Variants in PKD1L1 observed in about 807,000 individuals in gnomAD.
The protein encoded by PKD1L1 is polycystin 1 like 1, transient receptor potential channel interacting.
Under a neutral mutation model 323.4 loss-of-function variants are expected in PKD1L1, and 236 were observed. That is an observed-to-expected ratio of 0.73 (90% CI 0.66 to 0.81). The LOEUF (loss-of-function observed/expected upper bound fraction) is 0.81. Among genes scored for constraint, PKD1L1 ranks in the 40% least tolerant of loss-of-function variants. PKD1L1 has a pLI of 0.00. For missense variants in PKD1L1, 3,320 were observed against 3,508.0 expected (o/e 0.95, Z 1.35); for synonymous variants, 1,344 against 1,335.0 (o/e 1.01, Z -0.15).
intron 56 of PKD1L1, among the ~76,000 whole-genome samples, chr7:47,784,524 G>C (rs990288192): frequency 1.3e-5 from 2 of 151,866 alleles, no homozygotes; most frequent in African/African-American, 2.4e-5. Flanking sequence ...CCAAGCTAGA[G>C]TGCAATGGTG....
chr7:47,779,614 G>A (rs911225732), intron 56 of PKD1L1, among the ~76,000 whole-genome samples: 6 of 152,222 alleles, frequency 3.9e-5, no homozygotes, highest in African/African-American at 9.6e-5. Context: ...TTTTTTTAGC[G>A]TCTGAGAATG....
intron 7 of PKD1L1, among the ~76,000 whole-genome samples, chr7:47,915,919 C>G (rs1180198984): frequency 6.6e-6 from 1 of 152,080 alleles, no homozygotes; most frequent in East Asian, 1.9e-4. Context: ...AAATTCTTAA[C>G]AGATGAATTT....
intron 52 of PKD1L1, among the ~76,000 whole-genome samples, chr7:47,806,127 G>C (rs1784772152): frequency 6.6e-6 from 1 of 152,188 alleles, no homozygotes; most frequent in Admixed American, 6.5e-5. Context: ...CAGAAGTCAG[G>C]AGGAGGCTAT....
At position 47,840,398 on chromosome 7, in the gene PKD1L1, A is replaced by T. The variant is rs1785542168; in HGVS notation, c.5552+63T>A. On this transcript the variant is annotated intron_variant, in intron 35 of 56. Transcript: ENST00000289672. The surrounding 1 kb of genome is among the most constrained non-coding windows in gnomAD (Gnocchi z 4.1). ...ATTCTACTGTTTTGTATTTGTGATA[A>T]GGTTACACCAATTCTGATTGGCCTC... 2.5e-6 allele frequency: 3 copies of T among 1,188,084 alleles called. No homozygotes were observed. The highest frequency in any genetic ancestry group is 1.9e-4 in the Middle Eastern group (1 of 5,186). 73.6% of individuals were successfully genotyped at this position (1,188,084 alleles called of 1,614,324 possible).
intron 13 of PKD1L1, among the ~76,000 whole-genome samples, chr7:47,899,779 A>C (rs1190752199): frequency 6.6e-6 from 1 of 152,192 alleles, no homozygotes; most frequent in South Asian, 2.1e-4. Flanking sequence ...ACACGGTGAA[A>C]CCCTGTTTTT....
intron 31 of PKD1L1, among the ~76,000 whole-genome samples, chr7:47,850,533 G>A (rs962849337): frequency 2.7e-5 from 4 of 150,812 alleles, no homozygotes; most frequent in Non-Finnish European, 4.4e-5. Context: ...CCACAAGGCT[G>A]AGGCAGGAGA....
chr7:47,880,927 T>C, intron 20 of PKD1L1, 122 bp from the exon 21 acceptor site: 1 of 613,590 alleles, frequency 1.6e-6, no homozygotes, highest in South Asian at 2.4e-5. Context: ...TAGATACTAG[T>C]GAAACATGCC....
chr7:47,866,529 T>C lies in PKD1L1; in HGVS notation c.3982A>G (p.Arg1328Gly), dbSNP rs1423948809. 1 of 1,614,084 alleles carries C rather than the reference T, an allele frequency of 6.2e-7. No homozygotes were observed. The highest frequency in any genetic ancestry group is 2.2e-5 in the East Asian group (1 of 44,878). Reference protein sequence around the residue: ...EIRNYITVITRILSRLSKEDK... With the variant: ...EIRNYITVITGILSRLSKEDK... Reference sequence around the variant, plus strand: ...TCCTTAGACAAACGACTCAGGATTCTGGTGATCACAGTGATGTAGTTCCTG... The same window carrying C: ...TCCTTAGACAAACGACTCAGGATTCCGGTGATCACAGTGATGTAGTTCCTG... The change falls in exon 25 of 57, where the codon AGA (arginine) becomes GGA (glycine). Residue 1328 changes from arginine to glycine, a missense_variant. By Grantham distance (125) the Arg-to-Gly change is moderately radical (BLOSUM62 -2). Coordinates refer to ENST00000289672, the MANE Select transcript of PKD1L1 (RefSeq NM_138295.5).
chr7:47,800,695 T>C lies in PKD1L1; in HGVS notation c.8147A>G (p.Tyr2716Cys). ...AGAGACTATTAAAAGGATCCCAAAG[T>C]AACAAGCCATGGCCCGCTGGTCAGA... ...SKSDQRAMAC[Y>C]FGILLIVSAT... is the part of the protein sequence containing the mutation. Residue 2716 changes from tyrosine (Y) to cysteine (C), a missense_variant, in exon 54 of 57, where the codon TAC becomes TGC. By Grantham distance (194) the Tyr-to-Cys change is radical. Transcript: ENST00000289672. 1 of 1,614,196 alleles carries C rather than the reference T, an allele frequency of 6.2e-7. No individual in the cohort carries two copies.
intron 8 of PKD1L1, among the ~76,000 whole-genome samples, chr7:47,908,973 G>T (rs1226862590): frequency 2.6e-5 from 4 of 152,298 alleles, no homozygotes; most frequent in African/African-American, 9.6e-5. Flanking sequence ...CCAGCCAAGG[G>T]TCAGTCTCCT....
intron 4 of PKD1L1, among the ~76,000 whole-genome samples, chr7:47,934,949 C>T (rs552411824): frequency 6.6e-6 from 1 of 152,324 alleles, no homozygotes; most frequent in South Asian, 2.1e-4. Context: ...CCAAGACAGA[C>T]TGTGGCAGCT....
At chr7:47,828,801 G>A (rs144049040) in intron 44 of PKD1L1, among the ~76,000 whole-genome samples, 1 of 152,308 alleles carries the variant, frequency 6.6e-6, no homozygotes, top group East Asian at 1.9e-4. Context: ...TGGAGATGAG[G>A]AGAGGCCCAG....
At chr7:47,900,675 C>T (rs555879083) in intron 13 of PKD1L1, among the ~76,000 whole-genome samples, 86 of 152,028 alleles carry the variant, frequency 5.7e-4, no homozygotes, top group Non-Finnish European at 2.1e-4. Flanking sequence ...CTGCAGTGAG[C>T]CGAGATCATG....
At chr7:47,952,786 A>G (rs1292319200), upstream of PKD1L1, among the ~76,000 whole-genome samples, 3 of 152,200 alleles carry the variant, frequency 2.0e-5, no homozygotes, top group Admixed American at 6.5e-5. Context: ...TTTTAAAGCC[A>G]TTGTCAAGTT....
At chr7:47,807,483 C>T (rs1393384450) in intron 52 of PKD1L1, among the ~76,000 whole-genome samples, 1 of 152,142 alleles carries the variant, frequency 6.6e-6, no homozygotes, top group African/African-American at 2.4e-5. Flanking sequence ...TCACCCAGCC[C>T]TGGGGGTGGC....
chr7:47,811,491 T>C (rs1784894387), intron 50 of PKD1L1, among the ~76,000 whole-genome samples: 1 of 152,208 alleles, frequency 6.6e-6, no homozygotes, highest in African/African-American at 2.4e-5. Flanking sequence ...GTGTAGGCTA[T>C]TCTGTTACAG....
chr7:47,856,649 C>A (rs190972666), intron 28 of PKD1L1, among the ~76,000 whole-genome samples: 41 of 152,216 alleles, frequency 2.7e-4, no homozygotes, highest in Admixed American at 5.9e-4. Context: ...CACTGCATCT[C>A]CACAAGCAGT....
intron 1 of PKD1L1, among the ~76,000 whole-genome samples, chr7:47,947,937 G>C (rs923556248): frequency 1.5e-4 from 23 of 151,942 alleles, no homozygotes; most frequent in South Asian, 2.1e-4. Flanking sequence ...CTCTGCACTC[G>C]AGCCTGGGCA....
At chr7:47,870,431 C>A (rs1041181539) in intron 24 of PKD1L1, among the ~76,000 whole-genome samples, 1 of 152,012 alleles carries the variant, frequency 6.6e-6, no homozygotes, top group Non-Finnish European at 1.5e-5. Flanking sequence ...AAATTGATAT[C>A]TCTACTGACC....
Sources: allele counts gnomAD v4.1 joint callset (sites outside exome capture counted in the v4.1 genomes callset), GRCh38; gene constraint gnomAD v4.1.1; non-coding constraint Gnocchi (gnomAD v3.1); transcripts MANE v1.5; gene names NCBI Gene and HGNC (gene_info 2026-07-23, HGNC 2026-07-21).